MEF2C: variants seen among roughly 807,000 people sequenced by gnomAD.
MEF2C encodes myocyte enhancer factor 2C.
A neutral mutation model predicts 50.5 loss-of-function variants in MEF2C; 6 were observed. The ratio of observed to expected loss-of-function variants is 0.12; its 90% CI spans 0.07 to 0.23. MEF2C has a LOEUF of 0.23. Ranked by LOEUF, MEF2C falls within the 10% of genes least tolerant of loss-of-function variation. The probability of loss-of-function intolerance (pLI) is 1.00; values close to 1 mark genes in which losing one functional copy is unlikely to be tolerated. For synonymous variants in MEF2C, 183 were observed against 228.0 expected, an observed-to-expected ratio of 0.80 and a Z score of 1.78; for missense variants, 276 against 605.0, an observed-to-expected ratio of 0.46 and a Z score of 5.70.
intron 4 of MEF2C, among the ~76,000 whole-genome samples, chr5:88,755,036 GCCCATAT>G (rs146120964): frequency 2.7e-3 from 411 of 152,206 alleles, no homozygotes; most frequent in Non-Finnish European, 4.6e-3. Context: ...CCTGCCCCTT[GCCCATAT>G]CCTGATCTCT....
At chr5:88,816,465 CTTTTTTTT>C (rs70996497) in intron 2 of MEF2C, among the ~76,000 whole-genome samples, 71 of 86,144 alleles carry the variant, frequency 8.2e-4, no homozygotes, top group Admixed American at 2.2e-3. Context: ...CTGCCTACTG[CTTTTTTTT>C]TTTTTTTTTT....
rs901245082 is a variant in MEF2C, at chr5:88,766,096, G to A, written c.259-4768C>T. On this transcript the variant is annotated intron_variant, in intron 3 of 10. Coordinates refer to ENST00000504921, the MANE Select transcript of MEF2C (RefSeq NM_002397.5). Reference sequence around the variant, plus strand: ...TCCAGACAGGTAATCCAAAAACCACGTGGAATCTTTCCTCCCAGACATGTG... The same window carrying A: ...TCCAGACAGGTAATCCAAAAACCACATGGAATCTTTCCTCCCAGACATGTG... Among the ~76,000 whole-genome samples the A allele has an allele frequency of 9.9e-5, 15 of 152,178 alleles. 1 individual carries two copies. The highest frequency in any genetic ancestry group is 2.0e-4 in the Admixed American group (3 of 15,274).
chr5:88,818,884 T>C (rs1806891428), intron 2 of MEF2C, among the ~76,000 whole-genome samples: 1 of 152,026 alleles, frequency 6.6e-6, no homozygotes, highest in Admixed American at 6.6e-5. Flanking sequence ...GAAATCACAT[T>C]AACTATAATA....
intron 2 of MEF2C, among the ~76,000 whole-genome samples, chr5:88,822,767 G>T (rs1809009580): frequency 6.6e-6 from 1 of 151,908 alleles, no homozygotes; most frequent in Non-Finnish European, 1.5e-5. Context: ...TGTCCCCAGG[G>T]CTACTGTGTA....
At chr5:88,733,350 G>C in intron 6 of MEF2C, 1 of 985,352 alleles carries the variant, frequency 1.0e-6, no homozygotes, top group South Asian at 4.7e-5. Context: ...GGGATGCAGG[G>C]GTTGGGCTGT....
intron 3 of MEF2C, among the ~76,000 whole-genome samples, chr5:88,776,577 AG>A (rs1784861391): frequency 6.6e-6 from 1 of 152,178 alleles, no homozygotes; most frequent in Admixed American, 6.5e-5. Flanking sequence ...TTTAAAAATA[AG>A]AATACCAAGA....
chr5:88,837,330 C>T (rs563233479), intron 1 of MEF2C, among the ~76,000 whole-genome samples: 2 of 151,952 alleles, frequency 1.3e-5, no homozygotes, highest in South Asian at 4.1e-4. Context: ...AAAAAAAGTG[C>T]AAACATAAGA....
intron 1 of MEF2C, among the ~76,000 whole-genome samples, chr5:88,860,482 A>C (rs1373216811): frequency 1.3e-5 from 2 of 152,162 alleles, no homozygotes; most frequent in African/African-American, 4.8e-5. Context: ...TTTTGTTTTT[A>C]GAAATTGTAA....
At chr5:88,741,756 C>CT in intron 6 of MEF2C, 1 of 984,892 alleles carries the variant, frequency 1.0e-6, no homozygotes, top group Non-Finnish European at 1.2e-6. Flanking sequence ...TGGGTGGACT[C>CT]TAAGGTCAAG....
intron 3 of MEF2C, among the ~76,000 whole-genome samples, chr5:88,800,877 G>GT (rs1580924213): frequency 6.6e-6 from 1 of 152,160 alleles, no homozygotes; most frequent in East Asian, 1.9e-4. Flanking sequence ...TTTATATATT[G>GT]TATCTAAACA....
In MEF2C at chr5:88,784,235, A is replaced by G. The variant is rs372690431; in HGVS notation, c.258+20363T>C. Among the ~76,000 whole-genome samples the G allele has an allele frequency of 9.4e-4, 143 of 152,356 alleles. 6 individuals carry two copies. In the South Asian group the frequency reaches 0.029, roughly 31 times the overall value. Reference sequence around the variant, plus strand: ...GGCTTTCTATTACAGATAATACTGTAGACATTTCAAATCCACAATGATTTG... The same window carrying G: ...GGCTTTCTATTACAGATAATACTGTGGACATTTCAAATCCACAATGATTTG... On this transcript the variant is annotated intron_variant, in intron 3 of 10. Transcript: ENST00000504921.
At chr5:88,894,345 T>C (rs942006984) in intron 1 of MEF2C, among the ~76,000 whole-genome samples, 2 of 152,220 alleles carry the variant, frequency 1.3e-5, no homozygotes, top group African/African-American at 4.8e-5. Context: ...TCATAACGTT[T>C]GTTCACTTAT....
chr5:88,728,748 T>G, intron 9 of MEF2C, 120 bp from the exon 10 acceptor site: 1 of 767,716 alleles, frequency 1.3e-6, no homozygotes, highest in Non-Finnish European at 1.8e-6. Context: ...ATTATAGATA[T>G]TTTTAATTTT....
chr5:88,786,534 A>T (rs1254046956), intron 3 of MEF2C, among the ~76,000 whole-genome samples: 1 of 152,212 alleles, frequency 6.6e-6, no homozygotes, highest in Non-Finnish European at 1.5e-5. Flanking sequence ...CCTTTTATTA[A>T]GCTTAAAGGC....
At chr5:88,826,176 A>G (rs1266043199) in intron 1 of MEF2C, among the ~76,000 whole-genome samples, 1 of 151,940 alleles carries the variant, frequency 6.6e-6, no homozygotes, top group Non-Finnish European at 1.5e-5. Flanking sequence ...TTAAAAAAAA[A>G]TTTCTTAAAA....
chr5:88,726,803 G>A (rs1272628607), intron 10 of MEF2C, among the ~76,000 whole-genome samples: 1 of 151,972 alleles, frequency 6.6e-6, no homozygotes, highest in Admixed American at 6.6e-5. Flanking sequence ...CCTTGTAATA[G>A]AAAAGAGTTT....
intron 4 of MEF2C, among the ~76,000 whole-genome samples, chr5:88,754,081 C>T (rs1774107880): frequency 6.6e-6 from 1 of 152,226 alleles, no homozygotes; most frequent in Non-Finnish European, 1.5e-5. Context: ...TGCCCAGGAG[C>T]TGACCCTCCA....
At chr5:88,742,165 G>A (rs1767130620) in intron 6 of MEF2C, 1 of 985,242 alleles carries the variant, frequency 1.0e-6, no homozygotes, top group Non-Finnish European at 1.2e-6. Flanking sequence ...CAAAAGAGGG[G>A]GTTTTTAACC....
intron 3 of MEF2C, 41 bp downstream of exon 3, chr5:88,804,557 T>C (rs1403359529): frequency 2.5e-6 from 4 of 1,601,998 alleles, no homozygotes; most frequent in Non-Finnish European, 3.4e-6. Context: ...CAAACTCCCC[T>C]GCTTGCGGAG....
Sources: gnomAD v4.1 joint callset for allele counts (sites outside exome capture counted in the v4.1 genomes callset) on GRCh38, gnomAD v4.1.1 for gene constraint, MANE v1.5 for transcripts, NCBI Gene and HGNC (gene_info 2026-07-23, HGNC 2026-07-21) for gene names.